PPP2R5D: variants seen among roughly 807,000 people sequenced by gnomAD.
The protein encoded by PPP2R5D is protein phosphatase 2 regulatory subunit B'delta.
PPP2R5D carries 12 observed loss-of-function variants against 79.1 expected under a neutral mutation model. The observed-to-expected ratio is 0.15, with a 90% confidence interval of 0.10 to 0.25. PPP2R5D has a LOEUF of 0.25. PPP2R5D is among the 10% of genes least tolerant of loss of function. PPP2R5D has a pLI of 1.00. For missense variants in PPP2R5D, 419 were observed against 760.2 expected, an observed-to-expected ratio of 0.55 and a Z score of 5.28; for synonymous variants, 277 against 286.6, an observed-to-expected ratio of 0.97 and a Z score of 0.34.
intron 2 of PPP2R5D, among the ~76,000 whole-genome samples, chr6:43,002,581 A>G (rs749576644): frequency 6.6e-6 from 1 of 151,632 alleles, no homozygotes; most frequent in Non-Finnish European, 1.5e-5. Context: ...CCAAGGTGCA[A>G]CTCATCTGCC....
chr6:42,998,039 A>T (rs1581825691), intron 2 of PPP2R5D, among the ~76,000 whole-genome samples: 2 of 25,388 alleles, frequency 7.9e-5, no homozygotes, highest in Admixed American at 6.4e-4. Context: ...ATATATATAT[A>T]TATATATATA....
At chr6:42,984,767 CG>C in intron 1 of PPP2R5D, 63 bp downstream of exon 1, 1 of 1,606,314 alleles carries the variant, frequency 6.2e-7, no homozygotes. Context: ...TGGGAGGGGC[CG>C]GAGCCAGGCC....
intron 2 of PPP2R5D, among the ~76,000 whole-genome samples, chr6:42,993,508 T>A (rs1771421755): frequency 6.6e-6 from 1 of 152,040 alleles, no homozygotes; most frequent in Non-Finnish European, 1.5e-5. Flanking sequence ...AAATACATTC[T>A]CTCTCAGCTC....
In PPP2R5D at chr6:43,010,820, G is replaced by A. The variant is rs1413371241; in HGVS notation, c.1555-61G>A. ...GAGTTTGTTGGGGGAGGAATATGGG[G>A]CACACAGGCCCCCAAGCCTCTGAAG... On this transcript the variant is annotated intron_variant, in intron 14 of 15. Coordinates refer to ENST00000485511, the MANE Select transcript of PPP2R5D (RefSeq NM_006245.4). This position sits in a 1 kb window ranked among gnomAD's most constrained non-coding sequence, Gnocchi z 4.7. The A allele has an allele frequency of 6.9e-6, 11 of 1,599,020 alleles. No individual in the cohort carries two copies. In the South Asian group the frequency reaches 1.0e-4, roughly 14 times the overall value.
intron 2 of PPP2R5D, among the ~76,000 whole-genome samples, chr6:43,002,592 A>G (rs1437082940): frequency 6.6e-6 from 1 of 151,902 alleles, no homozygotes; most frequent in East Asian, 1.9e-4. Context: ...CTCATCTGCC[A>G]TATGTAGAAA....
intron 1 of PPP2R5D, among the ~76,000 whole-genome samples, chr6:42,985,181 C>G (rs1770742541): frequency 6.6e-6 from 1 of 152,130 alleles, no homozygotes; most frequent in Non-Finnish European, 1.5e-5. Flanking sequence ...CCCCTACGGC[C>G]CCTTCTCTTT....
intron 2 of PPP2R5D, among the ~76,000 whole-genome samples, chr6:42,996,449 G>A (rs1465990378): frequency 2.7e-5 from 4 of 150,732 alleles, no homozygotes; most frequent in Non-Finnish European, 5.9e-5. Context: ...GGGTGACAGA[G>A]CGAGACTCCG....
At chr6:42,995,253 C>T (rs1771574740) in intron 2 of PPP2R5D, among the ~76,000 whole-genome samples, 1 of 151,310 alleles carries the variant, frequency 6.6e-6, no homozygotes, top group African/African-American at 2.4e-5. Context: ...CCCCTCAGCC[C>T]CCTGAGTAGC....
rs2150278760 is a variant in PPP2R5D at position 43,007,233 on chromosome 6, C to T, written c.560C>T (p.Ser187Leu). 6 of 1,614,080 alleles carry T rather than the reference C, an allele frequency of 3.7e-6. No homozygotes were observed. Among genetic ancestry groups the T allele is most frequent in the African/African-American group, 1.3e-5 (1 of 75,006 alleles). Reference protein sequence around the residue: ...VNLFRTLPPSSNPTGAEFDPE... With the variant: ...VNLFRTLPPSLNPTGAEFDPE... Reference sequence around the variant, plus strand: ...CTCTTCCGGACGCTGCCACCTTCATCGAATCCCACAGGGGCTGAGTTTGAC... The same window carrying T: ...CTCTTCCGGACGCTGCCACCTTCATTGAATCCCACAGGGGCTGAGTTTGAC... Residue 187 changes from serine to leucine, a missense_variant, in exon 5 of 16, where the codon TCG becomes TTG. Physicochemically the swap from Ser to Leu is moderately radical, Grantham distance 145. This residue lies in a region of PPP2R5D where 196 missense variants were observed against 424.5 expected (regional missense o/e 0.46). Transcript: ENST00000485511. This position sits in a 1 kb window ranked among gnomAD's most constrained non-coding sequence, Gnocchi z 4.5.
chr6:42,999,832 A>G (rs1772050829), intron 2 of PPP2R5D, among the ~76,000 whole-genome samples: 1 of 151,382 alleles, frequency 6.6e-6, no homozygotes, highest in Admixed American at 6.6e-5. Context: ...AAGAGCTGGG[A>G]TTGCAGGCAT....
intron 2 of PPP2R5D, among the ~76,000 whole-genome samples, chr6:42,999,795 A>G (rs1581832082): frequency 6.6e-6 from 1 of 151,628 alleles, no homozygotes; most frequent in African/African-American, 2.4e-5. Flanking sequence ...TCCTGACCTC[A>G]GGTGATCTGC....
rs1333267161 is a variant in PPP2R5D, at chr6:43,006,436, A to C, written c.106-27A>C. The C allele has an allele frequency of 3.7e-6, 6 of 1,609,482 alleles. No homozygotes were observed. The highest frequency in any genetic ancestry group is 2.7e-5 in the African/African-American group (2 of 74,780). ...GTGGGAGGCATATCTTGGGAAGTGG[A>C]TTTCAACAGGTGACTTGTTTGACCA... On this transcript the variant is annotated intron_variant, in intron 2 of 15. Transcript: ENST00000485511. This position sits in a 1 kb window ranked among gnomAD's most constrained non-coding sequence, Gnocchi z 4.7.
chr6:43,007,824 C>A lies in PPP2R5D; in HGVS notation c.727-111C>A. On this transcript the variant is annotated intron_variant, in intron 6 of 15. Transcript: ENST00000485511. The surrounding 1 kb of genome is among the most constrained non-coding windows in gnomAD (Gnocchi z 4.5). ...ATCACTGCTTTCTAAGACTTGCTGGCCCCCACTCCAGGGGACCTCTGCATT... is the reference window on the plus strand; with the variant it reads ...ATCACTGCTTTCTAAGACTTGCTGGACCCCACTCCAGGGGACCTCTGCATT... The A allele has an allele frequency of 7.3e-7, 1 of 1,374,074 alleles. No homozygotes were observed. Among genetic ancestry groups the A allele is most frequent in the Non-Finnish European group, 1.0e-6 (1 of 983,602 alleles). 85.1% of individuals were successfully genotyped at this position (1,374,074 alleles called of 1,614,324 possible). A position where few individuals can be genotyped will look rare whatever the true frequency, so the allele number is the denominator to read the frequency against.
intron 1 of PPP2R5D, 147 bp downstream of exon 1, chr6:42,984,851 C>A: frequency 7.7e-7 from 1 of 1,293,542 alleles, no homozygotes; most frequent in African/African-American, 1.5e-5. Context: ...GCCCCCGCGG[C>A]TGGCAGCACC....
chr6:43,001,299 G>A (rs565350644), intron 2 of PPP2R5D, among the ~76,000 whole-genome samples: 64 of 152,046 alleles, frequency 4.2e-4, no homozygotes, highest in Non-Finnish European at 7.8e-4. Flanking sequence ...GCGCCACCTC[G>A]CCCGGCTAAC....
chr6:42,989,657 G>C lies in PPP2R5D; in HGVS notation c.74G>C (p.Gly25Ala). 6.2e-7 allele frequency: 1 copy of C among 1,614,000 alleles called. No individual in the cohort carries two copies. Among genetic ancestry groups the C allele is most frequent in the East Asian group, 2.2e-5 (1 of 44,886 alleles). Reference protein sequence around the residue: ...AKCTAKPSSSGKDGGGENTEE... With the variant: ...AKCTAKPSSSAKDGGGENTEE... ...TGCACAGCCAAGCCTAGCAGCTCGG[G>C]CAAGGATGGTGGAGGCGAGAACACT... Residue 25 changes from glycine to alanine, a missense_variant, in exon 2 of 16, where the codon GGC becomes GCC. Physicochemically the swap from Gly to Ala is moderately conservative, Grantham distance 60. This residue lies in a region of PPP2R5D where 110 missense variants were observed against 147.6 expected (regional missense o/e 0.75). Transcript: ENST00000485511.
At position 43,012,308 on chromosome 6, in the gene PPP2R5D, T is replaced by C. The variant is rs1762390700; in HGVS notation, c.*1022T>C. 4 of 1,410,824 alleles carry C rather than the reference T, an allele frequency of 2.8e-6. No homozygotes were observed. The highest frequency in any genetic ancestry group is 3.7e-6 in the Non-Finnish European group (4 of 1,081,752). The allele number at this position is 1,410,824 out of a possible 1,614,324, so 87.4% of individuals were successfully genotyped here. ...GGTTGGGCTTGGACCGATGTCCCCA[T>C]ATGTACAGAACTGAATAAAGTGGGT... On this transcript the variant is annotated 3_prime_UTR_variant, in exon 16 of 16. Coordinates refer to ENST00000485511, the MANE Select transcript of PPP2R5D (RefSeq NM_006245.4).
Position 43,008,548 on chromosome 6 carries a change from T to G in PPP2R5D, c.1026+73T>G. Reference sequence around the variant, plus strand: ...AGAGCCGGCAGGAAAGTGTTCCAGCTGGGATAGGGGAAGCATAGGGAGCAG... The same window carrying G: ...AGAGCCGGCAGGAAAGTGTTCCAGCGGGGATAGGGGAAGCATAGGGAGCAG... On this transcript the variant is annotated intron_variant, in intron 9 of 15. Coordinates refer to ENST00000485511, the MANE Select transcript of PPP2R5D (RefSeq NM_006245.4). The surrounding 1 kb of genome is among the most constrained non-coding windows in gnomAD (Gnocchi z 4.2). 6.6e-7 allele frequency: 1 copy of G among 1,505,494 alleles called. No individual in the cohort carries two copies. Among genetic ancestry groups the G allele is most frequent in the Non-Finnish European group, 9.2e-7 (1 of 1,082,720 alleles). The allele number at this position is 1,505,494 out of a possible 1,614,324, so 93.3% of individuals were successfully genotyped here.
At chr6:43,003,942 T>C (rs1018165927) in intron 2 of PPP2R5D, among the ~76,000 whole-genome samples, 1 of 151,028 alleles carries the variant, frequency 6.6e-6, no homozygotes, top group African/African-American at 2.4e-5. Context: ...ATGGTCTCGA[T>C]CTCCTGACCT....
Sources: allele counts gnomAD v4.1 joint callset (sites outside exome capture counted in the v4.1 genomes callset), GRCh38; gene constraint gnomAD v4.1.1; regional missense constraint gnomAD v4.1.1; non-coding constraint Gnocchi (gnomAD v3.1); transcripts MANE v1.5; gene names NCBI Gene and HGNC (gene_info 2026-07-23, HGNC 2026-07-21).